The following MPDZ variants were observed in gnomAD, a reference collection of about 807,000 sequenced individuals.
The protein encoded by MPDZ is multiple PDZ domain crumbs cell polarity complex component.
MPDZ carries 234 observed loss-of-function variants against 239.1 expected under a neutral mutation model. The ratio of observed to expected loss-of-function variants is 0.98; its 90% CI spans 0.88 to 1.09. MPDZ has a LOEUF of 1.09. Among genes scored for constraint, MPDZ ranks in the 50% least tolerant of loss-of-function variants. The pLI is 0.00. For missense variants in MPDZ, 3,175 were observed against 2,510.0 expected (o/e 1.26, Z -5.66); for synonymous variants, 1,048 against 881.3 (o/e 1.19, Z -3.35).
chr9:13,196,051 A>G (rs1157170489), intron 13 of MPDZ, 70 bp downstream of exon 13: 1 of 1,004,616 alleles, frequency 1.0e-6, no homozygotes, highest in East Asian at 2.6e-5. Flanking sequence ...GATTGCCTCT[A>G]TTATTCCCTC....
At chr9:13,138,223 CTATT>C (rs1947129514) in intron 28 of MPDZ, 70 bp from the exon 29 acceptor site, 1 of 1,395,856 alleles carries the variant, frequency 7.2e-7, no homozygotes, top group African/African-American at 1.4e-5. Flanking sequence ...CTGTGGAAAG[CTATT>C]TAGTTTTACC....
Position 13,263,716 on chromosome 9 carries a change from G to A in MPDZ, c.-57-13344C>T, listed in dbSNP as rs1241507079. ...GGATTAGTCAACTTCTCATCAGAGAGCAGGAGGGCAGGAAGTGATGAACAA... is the reference window on the plus strand; with the variant it reads ...GGATTAGTCAACTTCTCATCAGAGAACAGGAGGGCAGGAAGTGATGAACAA... On this transcript the variant is annotated intron_variant, in intron 1 of 46. Coordinates refer to ENST00000319217, the MANE Select transcript of MPDZ (RefSeq NM_001378778.1). Among the ~76,000 whole-genome samples, 4 of 152,168 alleles carry A rather than the reference G, an allele frequency of 2.6e-5. No homozygotes were observed. The East Asian group carries it at 5.8e-4, about 22-fold the overall frequency.
chr9:13,249,559 C>G (rs574086832), intron 2 of MPDZ, among the ~76,000 whole-genome samples: 2 of 152,130 alleles, frequency 1.3e-5, no homozygotes, highest in Non-Finnish European at 2.9e-5. Flanking sequence ...CACTCTATCC[C>G]TCAAAACCCA....
chr9:13,259,948 C>A (rs1422472712), intron 1 of MPDZ, among the ~76,000 whole-genome samples: 1 of 152,076 alleles, frequency 6.6e-6, no homozygotes, highest in Non-Finnish European at 1.5e-5. Flanking sequence ...ATTCTCGTGC[C>A]TCAGCCTCCT....
At position 13,168,385 on chromosome 9, in the gene MPDZ, G is replaced by C. The variant is rs1951352247; in HGVS notation, c.3235C>G (p.Leu1079Val). The C allele has an allele frequency of 1.2e-6, 2 of 1,612,888 alleles. No individual in the cohort carries two copies. Among genetic ancestry groups the C allele is most frequent in the South Asian group, 1.1e-5 (1 of 90,946 alleles). ...ACTTACTTTATGTCAGGGCCAATGAGAGAATGTCTTCTCAACATAGCTCGT... is the reference window on the plus strand; with the variant it reads ...ACTTACTTTATGTCAGGGCCAATGACAGAATGTCTTCTCAACATAGCTCGT... ...QARAMLRRHS[L>V]IGPDIKITYV... Residue 1079 changes from leucine to valine, a missense_variant, in exon 22 of 47, where the codon CTC (leucine) becomes GTC (valine). Leu to Val is a conservative substitution (Grantham distance 32). Coordinates refer to ENST00000319217, the MANE Select transcript of MPDZ (RefSeq NM_001378778.1).
intron 32 of MPDZ, 140 bp from the exon 33 acceptor site, chr9:13,126,912 T>G: frequency 1.5e-6 from 1 of 654,236 alleles, no homozygotes; most frequent in Non-Finnish European, 2.5e-6. Context: ...TCTAAGATCT[T>G]AGAAATCTTG....
intron 8 of MPDZ, 87 bp from the exon 9 acceptor site, chr9:13,217,381 A>T: frequency 1.1e-6 from 1 of 870,428 alleles, no homozygotes. Flanking sequence ...AAAAACCATG[A>T]TAAAATAAAG....
intron 3 of MPDZ, among the ~76,000 whole-genome samples, chr9:13,241,598 A>G (rs1965418340): frequency 2.0e-5 from 3 of 152,088 alleles, no homozygotes; most frequent in African/African-American, 4.8e-5. Context: ...TGTTATTTAT[A>G]TAAGAAGAGA....
intron 1 of MPDZ, among the ~76,000 whole-genome samples, chr9:13,272,738 T>C (rs1339473476): frequency 7.4e-6 from 1 of 134,946 alleles, no homozygotes; most frequent in African/African-American, 2.8e-5. Flanking sequence ...CAAAAGAAAA[T>C]GAATGCTGTC....
intron 10 of MPDZ, among the ~76,000 whole-genome samples, chr9:13,214,689 A>G (rs1958062383): frequency 6.6e-6 from 1 of 152,082 alleles, no homozygotes; most frequent in Non-Finnish European, 1.5e-5. Context: ...AGCATCAGAT[A>G]TGGATTTAGA....
chr9:13,219,414 C>T lies in MPDZ; in HGVS notation c.1086+145G>A, dbSNP rs568964368. ...CCTGATTAATAAAATATCATTAGTG[C>T]TAAAGCATCCCTACATTTGAATTTC... On this transcript the variant is annotated intron_variant, in intron 8 of 46. Transcript: ENST00000319217. The T allele has an allele frequency of 2.3e-3, 1,645 of 723,884 alleles. 10 individuals carry two copies. The highest frequency in any genetic ancestry group is 0.011 in the Middle Eastern group (28 of 2,484). The allele number at this position is 723,884 out of a possible 1,614,324, so 44.8% of individuals were successfully genotyped here.
At chr9:13,160,533 G>A (rs1950333044) in intron 23 of MPDZ, among the ~76,000 whole-genome samples, 1 of 151,718 alleles carries the variant, frequency 6.6e-6, no homozygotes, top group African/African-American at 2.4e-5. Context: ...TATTCTTTAA[G>A]TAAGTCATTT....
At chr9:13,248,274 G>C (rs908029590) in intron 2 of MPDZ, among the ~76,000 whole-genome samples, 5 of 150,166 alleles carry the variant, frequency 3.3e-5, no homozygotes, top group African/African-American at 9.7e-5. Context: ...TTTTTTAATG[G>C]AGTACAAAAA....
chr9:13,204,242 G>A (rs1448203942), intron 12 of MPDZ, among the ~76,000 whole-genome samples: 1 of 151,990 alleles, frequency 6.6e-6, no homozygotes, highest in East Asian at 1.9e-4. Flanking sequence ...GAAGCACACA[G>A]CACAACAGAA....
rs1010252453 is a variant in MPDZ, at chr9:13,235,289, A to T, written c.184-10706T>A. Among the ~76,000 whole-genome samples, 133 of 152,306 alleles carry T rather than the reference A, an allele frequency of 8.7e-4. 1 individual carries two copies. The highest frequency in any genetic ancestry group is 1.5e-3 in the Admixed American group (23 of 15,304). On this transcript the variant is annotated intron_variant, in intron 3 of 46. Transcript: ENST00000319217. ...AGCTCCTGAACTAAATGAGACACAA[A>T]ATGGAGCAATAAGTTATAAGAAGGG...
intron 30 of MPDZ, 59 bp from the exon 31 acceptor site, chr9:13,136,241 C>T (rs1216090211): frequency 8.6e-7 from 1 of 1,162,324 alleles, no homozygotes; most frequent in African/African-American, 1.6e-5. Flanking sequence ...CATTCTCTTA[C>T]TTCAAGAGTC....
At chr9:13,195,918 C>T (rs184823626) in intron 13 of MPDZ, among the ~76,000 whole-genome samples, 1 of 151,958 alleles carries the variant, frequency 6.6e-6, no homozygotes, top group Non-Finnish European at 1.5e-5. Flanking sequence ...AACTTCCATC[C>T]CATTTATTTC....
At chr9:13,127,413 T>C (rs964803045) in intron 32 of MPDZ, among the ~76,000 whole-genome samples, 4 of 152,234 alleles carry the variant, frequency 2.6e-5, no homozygotes, top group Admixed American at 2.0e-4. Context: ...TTTCCCTTTA[T>C]CAAAACCAAA....
intron 1 of MPDZ, among the ~76,000 whole-genome samples, chr9:13,252,557 T>G (rs375198241): frequency 6.0e-4 from 65 of 108,250 alleles, no homozygotes; most frequent in African/African-American, 2.2e-3. Context: ...AGAGTGAGAC[T>G]CTGTCCCCCG....
Sources: allele counts gnomAD v4.1 joint callset (sites outside exome capture counted in the v4.1 genomes callset), GRCh38; gene constraint gnomAD v4.1.1; transcripts MANE v1.5; gene names NCBI Gene and HGNC (gene_info 2026-07-23, HGNC 2026-07-21).